The following HTT variants were observed in gnomAD, a reference collection of about 807,000 sequenced individuals.
The protein encoded by HTT is huntingtin, also known as huntington disease protein.
HTT carries 104 observed loss-of-function variants against 362.3 expected under a neutral mutation model. That is an observed-to-expected ratio of 0.29 (90% CI 0.24 to 0.34). The LOEUF (loss-of-function observed/expected upper bound fraction) is 0.34, where lower values mean the gene tolerates loss of function less well. HTT is among the 10% of genes least tolerant of loss of function. HTT has a pLI of 1.00. For missense variants in HTT, 3,301 were observed against 3,928.6 expected, an observed-to-expected ratio of 0.84 and a Z score of 4.27; for synonymous variants, 1,577 against 1,548.7, an observed-to-expected ratio of 1.02 and a Z score of -0.43.
intron 1 of HTT, among the ~76,000 whole-genome samples, chr4:3,079,282 G>A (rs1212363576): frequency 7.0e-6 from 1 of 143,322 alleles, no homozygotes; most frequent in African/African-American, 2.7e-5. Flanking sequence ...TGGGGGGCAA[G>A]GTCTTGCTCT....
At chr4:3,082,155 C>T (rs530392067) in intron 1 of HTT, among the ~76,000 whole-genome samples, 8 of 152,268 alleles carry the variant, frequency 5.3e-5, no homozygotes, top group African/African-American at 1.9e-4. Context: ...GATATTGTTC[C>T]ATAGCAGTAC....
chr4:3,236,514 G>T (rs1721541213), intron 64 of HTT, among the ~76,000 whole-genome samples: 1 of 152,200 alleles, frequency 6.6e-6, no homozygotes, highest in Non-Finnish European at 1.5e-5. Context: ...GAGGGCTCAG[G>T]GACAGTACCT....
Position 3,154,375 on chromosome 4 carries a change from C to T in HTT, c.3581C>T (p.Ala1194Val). Reference protein sequence around the residue: ...KGKEKEPGEQASVPLSPKKGS... With the variant: ...KGKEKEPGEQVSVPLSPKKGS... ...AAGGAGAAAGAACCAGGAGAACAAG[C>T]ATCTGTACCGTTGAGTCCCAAGAAA... The change falls in exon 27 of 67, where the codon GCA (alanine) becomes GTA (valine). Residue 1194 changes from alanine (A) to valine (V), a missense_variant. This residue lies in a region of HTT where 2,316 missense variants were observed against 2,658.5 expected (regional missense o/e 0.87). Transcript: ENST00000355072. 3 of 1,613,862 alleles carry T rather than the reference C, an allele frequency of 1.9e-6. No individual in the cohort carries two copies. Among genetic ancestry groups the T allele is most frequent in the South Asian group, 1.1e-5 (1 of 91,030 alleles).
In HTT at chr4:3,172,949, T is replaced by C; in HGVS notation, c.3984T>C (p.Phe1328=). 1 of 1,614,220 alleles carries C rather than the reference T, an allele frequency of 6.2e-7. No individual in the cohort carries two copies. Reference sequence around the variant, plus strand: ...TTGGCACAAACTTGGCCTCCCAGTTTGATGGCTTATCTTCCAACCCCAGCA... The same window carrying C: ...TTGGCACAAACTTGGCCTCCCAGTTCGATGGCTTATCTTCCAACCCCAGCA... The part of the protein sequence containing the change: ...TLFGTNLASQ[F]DGLSSNPSKS... The change falls in exon 31 of 67, where the codon TTT becomes TTC. Residue 1328 remains phenylalanine (F), a synonymous_variant. Transcript: ENST00000355072.
Position 3,186,976 on chromosome 4 carries a change from A to T in HTT, c.4989+257A>T, listed in dbSNP as rs139793177. Among the ~76,000 whole-genome samples the T allele has an allele frequency of 5.7e-3, 857 of 149,546 alleles. 6 individuals carry two copies. Among genetic ancestry groups the T allele is most frequent in the African/African-American group, 0.02 (813 of 40,370 alleles). Reference sequence around the variant, plus strand: ...CAGCTTCACACCATTCTCCTGCCTCAGCCTCCCGAGTTGCTGGGACTACAA... The same window carrying T: ...CAGCTTCACACCATTCTCCTGCCTCTGCCTCCCGAGTTGCTGGGACTACAA... On this transcript the variant is annotated intron_variant, in intron 38 of 66. Transcript: ENST00000355072.
In HTT at chr4:3,180,913, G is replaced by A. The variant is rs189074392; in HGVS notation, c.4749+262G>A. 689 of 287,220 alleles carry A rather than the reference G, an allele frequency of 2.4e-3. 2 individuals are homozygous for A. Among genetic ancestry groups the A allele is most frequent in the Admixed American group, 3.6e-3 (69 of 19,150 alleles). The allele number at this position is 287,220 out of a possible 1,614,324, so 17.8% of individuals were successfully genotyped here. A position where few individuals can be genotyped will look rare whatever the true frequency, so the allele number is the denominator to read the frequency against. On this transcript the variant is annotated intron_variant, in intron 36 of 66. Coordinates refer to ENST00000355072, the MANE Select transcript of HTT (RefSeq NM_001388492.1). ...TTTTTTTGAGATGGAGTCTCTCTCC[G>A]TCGCCCAGGCTGGAGTGTGGTGGCA...
chr4:3,127,124 C>A, intron 11 of HTT, 140 bp from the exon 12 acceptor site: 1 of 651,220 alleles, frequency 1.5e-6, no homozygotes. Context: ...GCACTGCTGT[C>A]CTGCATTTCA....
chr4:3,220,326 C>G lies in HTT; in HGVS notation c.7369+18C>G. On this transcript the variant is annotated intron_variant, in intron 53 of 66. Transcript: ENST00000355072. ...CACACTAGGTACTCTTGGGGCCTCT[C>G]CTTCAGGTCACCATTGTCGGACATC... 6.2e-7 allele frequency: 1 copy of G among 1,604,688 alleles called. No homozygotes were observed. Among genetic ancestry groups the G allele is most frequent in the Non-Finnish European group, 8.5e-7 (1 of 1,171,992 alleles).
At chr4:3,197,276 G>T (rs1247701112) in intron 40 of HTT, among the ~76,000 whole-genome samples, 1 of 152,070 alleles carries the variant, frequency 6.6e-6, no homozygotes, top group Non-Finnish European at 1.5e-5. Context: ...TTCTCTTGCT[G>T]GTCCTTGTAG....
chr4:3,208,650 G>C (rs756700975), intron 45 of HTT, 123 bp from the exon 46 acceptor site: 33 of 852,726 alleles, frequency 3.9e-5, no homozygotes, highest in Non-Finnish European at 5.4e-5. Flanking sequence ...CCTTTAAGAA[G>C]CCACTAATAG....
intron 56 of HTT, among the ~76,000 whole-genome samples, chr4:3,225,090 A>G (rs1720845299): frequency 6.7e-6 from 1 of 148,480 alleles, no homozygotes; most frequent in Admixed American, 6.7e-5. Context: ...ATTTAGCGGG[A>G]GGCTGGTGCC....
In HTT at chr4:3,116,337, G is replaced by T. The variant is rs1455895532; in HGVS notation, c.1068+74G>T. ...TCAAAGAACCGATTAATTTGGAAGA[G>T]AAGCGGCAGAACCGAGAGTTAGAGG... is the stretch of plus-strand genomic sequence containing the variant. On this transcript the variant is annotated intron_variant, in intron 8 of 66. Coordinates refer to ENST00000355072, the MANE Select transcript of HTT (RefSeq NM_001388492.1). 1.2e-5 allele frequency: 16 copies of T among 1,325,478 alleles called. No homozygotes were observed. In the Admixed American group the frequency reaches 1.9e-4, roughly 16 times the overall value. 82.1% of individuals were successfully genotyped at this position (1,325,478 alleles called of 1,614,324 possible).
rs760456042 is a variant in HTT, at chr4:3,173,050, C to T, written c.4085C>T (p.Pro1362Leu). ...TTGTACCACTACTGCTTCATGGCCC[C>T]GTACACCCACTTCACCCAGGCCCTC... The part of the protein sequence containing the change: ...PGLYHYCFMA[P>L]YTHFTQALAD... Residue 1362 changes from proline to leucine, a missense_variant, in exon 31 of 67, where the codon CCG becomes CTG. Physicochemically the swap from Pro to Leu is moderately conservative, Grantham distance 98. Coordinates refer to ENST00000355072, the MANE Select transcript of HTT (RefSeq NM_001388492.1). 8 of 1,614,166 alleles carry T rather than the reference C, an allele frequency of 5.0e-6. No individual in the cohort carries two copies. The highest frequency in any genetic ancestry group is 2.2e-5 in the East Asian group (1 of 44,880).
chr4:3,120,246 A>G (rs1715230389), intron 8 of HTT, among the ~76,000 whole-genome samples: 1 of 152,238 alleles, frequency 6.6e-6, no homozygotes, highest in African/African-American at 2.4e-5. Context: ...CAGATACATT[A>G]TGAGTAATTT....
chr4:3,099,379 C>T lies in HTT; in HGVS notation c.453C>T (p.Leu151=). The part of the protein sequence containing the change: ...SDVRMVADEC[L]NKVIKALMDS... ...TCAGGATGGTGGCTGACGAATGCCT[C>T]AACAAAGTTATCAAAGTAAGAACCG... Residue 151 remains leucine, a synonymous_variant, in exon 3 of 67, where the codon CTC becomes CTT. Coordinates refer to ENST00000355072, the MANE Select transcript of HTT (RefSeq NM_001388492.1). The T allele has an allele frequency of 6.2e-7, 1 of 1,613,826 alleles. No homozygotes were observed. Among genetic ancestry groups the T allele is most frequent in the Middle Eastern group, 1.6e-4 (1 of 6,062 alleles).
intron 40 of HTT, among the ~76,000 whole-genome samples, chr4:3,194,382 T>C (rs1276332161): frequency 6.6e-6 from 1 of 152,182 alleles, no homozygotes; most frequent in Non-Finnish European, 1.5e-5. Context: ...TTACAACATT[T>C]GGGGTAACCA....
At chr4:3,192,432 C>T (rs929885328) in intron 40 of HTT, among the ~76,000 whole-genome samples, 3 of 152,126 alleles carry the variant, frequency 2.0e-5, no homozygotes, top group African/African-American at 7.2e-5. Context: ...TTCACATGAC[C>T]GAAGATGACC....
At chr4:3,230,644 G>C (rs1047549342) in intron 60 of HTT, among the ~76,000 whole-genome samples, 1 of 152,162 alleles carries the variant, frequency 6.6e-6, no homozygotes, top group South Asian at 2.1e-4. Flanking sequence ...CGTTCTGGGG[G>C]CTGGAAGTTT....
intron 61 of HTT, among the ~76,000 whole-genome samples, chr4:3,234,160 G>A (rs1198579671): frequency 1.3e-5 from 2 of 152,270 alleles, no homozygotes; most frequent in African/African-American, 2.4e-5. Flanking sequence ...GAGGGAGACG[G>A]GAAGGTCTCT....
Sources: gnomAD v4.1 joint callset for allele counts (sites outside exome capture counted in the v4.1 genomes callset) on GRCh38, gnomAD v4.1.1 for gene constraint, gnomAD v4.1.1 regional missense constraint, MANE v1.5 for transcripts, NCBI Gene and HGNC (gene_info 2026-07-23, HGNC 2026-07-21) for gene names.